The following KDM4B variants were observed in gnomAD, a reference collection of about 807,000 sequenced individuals.
KDM4B encodes the protein lysine-specific demethylase 4B.
A neutral mutation model predicts 125.2 loss-of-function variants in KDM4B; 32 were observed. That is an observed-to-expected ratio of 0.26 (90% confidence interval 0.19 to 0.34). The LOEUF (loss-of-function observed/expected upper bound fraction) is 0.34. Ranked by LOEUF, KDM4B falls within the 10% of genes least tolerant of loss-of-function variation. KDM4B has a pLI of 1.00. For missense variants in KDM4B, 1,190 were observed against 1,577.7 expected, an observed-to-expected ratio of 0.75 and a Z score of 4.16; for synonymous variants, 721 against 677.9, an observed-to-expected ratio of 1.06 and a Z score of -0.99.
chr19:5,039,397 G>A (rs1480634055), intron 3 of KDM4B, among the ~76,000 whole-genome samples: 1 of 152,208 alleles, frequency 6.6e-6, no homozygotes, highest in East Asian at 1.9e-4. Flanking sequence ...GGAGGCTGCA[G>A]TGAGCTATGA....
At chr19:5,138,674 G>T (rs2039691431) in intron 18 of KDM4B, among the ~76,000 whole-genome samples, 1 of 151,984 alleles carries the variant, frequency 6.6e-6, no homozygotes, top group African/African-American at 2.4e-5. Flanking sequence ...ACAAACAATT[G>T]TAACAATGCT....
rs1218003680 is a variant in KDM4B, at chr19:5,144,143, G to A, written c.2727G>A (p.Gly909=). The change falls in exon 19 of 23, where the codon GGG becomes GGA. Residue 909 remains glycine (G), a synonymous_variant. Coordinates refer to ENST00000159111, the MANE Select transcript of KDM4B (RefSeq NM_015015.3). ...VSITCLKHKS[G]GHAVQLLRAV... ...TCACCTGCCTCAAGCACAAGTCGGGGGGTCACGCTGTGAGTGCCTGCCCGC... is the reference window on the plus strand; with the variant it reads ...TCACCTGCCTCAAGCACAAGTCGGGAGGTCACGCTGTGAGTGCCTGCCCGC... 7 of 1,595,806 alleles carry A rather than the reference G, an allele frequency of 4.4e-6. No individual in the cohort carries two copies. The highest frequency in any genetic ancestry group is 2.3e-5 in the East Asian group (1 of 44,332).
chr19:5,047,565 G>A lies in KDM4B; in HGVS notation c.522G>A (p.Thr174=), dbSNP rs1212302428. The change falls in exon 6 of 23, where the codon ACG becomes ACA. Residue 174 remains threonine (T), a synonymous_variant. Transcript: ENST00000159111. ...GCACCATCATCGAGGGCGTGAACAC[G>A]CCCTACCTGTACTTCGGCATGTGGA... ...ECGTIIEGVN[T]PYLYFGMWKT... is the part of the protein sequence containing the mutation. The A allele has an allele frequency of 2.5e-6, 4 of 1,613,960 alleles. No individual in the cohort carries two copies. Among genetic ancestry groups the A allele is most frequent in the South Asian group, 1.1e-5 (1 of 91,088 alleles).
chr19:5,120,724 GT>G (rs201154557), intron 11 of KDM4B, among the ~76,000 whole-genome samples: 2,020 of 152,236 alleles, frequency 0.013, 41 homozygotes, highest in African/African-American at 0.047. Context: ...TTGGGAGTCT[GT>G]GCAAAGTGGC....
intron 2 of KDM4B, among the ~76,000 whole-genome samples, chr19:5,022,246 G>C (rs924634724): frequency 1.3e-5 from 2 of 152,152 alleles, no homozygotes; most frequent in African/African-American, 4.8e-5. Flanking sequence ...GTGTGGCCCT[G>C]GTCCCTCATC....
intron 1 of KDM4B, among the ~76,000 whole-genome samples, chr19:4,980,536 G>A (rs998358618): frequency 4.7e-5 from 7 of 148,296 alleles, no homozygotes; most frequent in Non-Finnish European, 8.9e-5. Context: ...TGATTCTCCT[G>A]CCTCAGCCTC....
chr19:5,064,994 C>T (rs893770911), intron 6 of KDM4B, among the ~76,000 whole-genome samples: 10 of 152,216 alleles, frequency 6.6e-5, no homozygotes, highest in African/African-American at 2.4e-4. Context: ...GATATTGGAC[C>T]CCCACCTCCT....
At chr19:5,104,899 A>G (rs1233244341) in intron 9 of KDM4B, among the ~76,000 whole-genome samples, 3 of 152,240 alleles carry the variant, frequency 2.0e-5, no homozygotes, top group Non-Finnish European at 1.5e-5. Flanking sequence ...TCTCCCATGT[A>G]TGAGTGTCTG....
At chr19:5,137,733 A>G (rs889912947) in intron 17 of KDM4B, 57 bp downstream of exon 17, 11 of 1,475,084 alleles carry the variant, frequency 7.5e-6, no homozygotes, top group Non-Finnish European at 1.0e-5. Flanking sequence ...CCCTGGGCTG[A>G]GGCTCTGCAG....
rs370946912 is a variant in KDM4B, at chr19:5,077,321, G to T, written c.677-46G>T. 1.9e-5 allele frequency: 29 copies of T among 1,553,690 alleles called. No individual in the cohort carries two copies. The South Asian group carries it at 2.2e-4, about 12-fold the overall frequency. Reference sequence around the variant, plus strand: ...AGAGGGCAGCATCCTCGCTGACCCCGGCCGGCTGTGGCCCAGGAGACTGAC... The same window carrying T: ...AGAGGGCAGCATCCTCGCTGACCCCTGCCGGCTGTGGCCCAGGAGACTGAC... On this transcript the variant is annotated intron_variant, in intron 7 of 22. Coordinates refer to ENST00000159111, the MANE Select transcript of KDM4B (RefSeq NM_015015.3).
At position 5,151,464 on chromosome 19, in the gene KDM4B, G is replaced by C. The variant is rs369236395; in HGVS notation, c.3244G>C (p.Val1082Leu). ...GCGGAGCCAGGACTACGTGGCCTTC[G>C]TGGAGAGCCTCCTGCAGGTGCAGGG... ...SGRSQDYVAF[V>L]ESLLQVQGRP... The change falls in exon 23 of 23, where the codon GTG becomes CTG. Residue 1082 changes from valine (V) to leucine (L), a missense_variant. Transcript: ENST00000159111. 960 of 1,520,502 alleles carry C rather than the reference G, an allele frequency of 6.3e-4. 7 individuals carry two copies. Among genetic ancestry groups the C allele is most frequent in the Non-Finnish European group, 7.1e-4 (802 of 1,134,748 alleles). The allele number at this position is 1,520,502 out of a possible 1,614,324, so 94.2% of individuals were successfully genotyped here.
chr19:4,977,301 C>T (rs551411429), intron 1 of KDM4B, among the ~76,000 whole-genome samples: 1 of 152,332 alleles, frequency 6.6e-6, no homozygotes, highest in South Asian at 2.1e-4. Flanking sequence ...AGGCCGACTG[C>T]CCAGTGGCTG....
In KDM4B at chr19:5,068,495, G is replaced by A. The variant is rs74450577; in HGVS notation, c.627-2515G>A. Among the ~76,000 whole-genome samples, 278 of 152,372 alleles carry A rather than the reference G, an allele frequency of 1.8e-3. 1 individual carries two copies. The highest frequency in any genetic ancestry group is 6.3e-3 in the African/African-American group (261 of 41,596). The stretch of plus-strand genomic sequence containing the variant: ...CAGCCCTGTGTGGACGGAGCGTGGC[G>A]CCTCCAGCCTCACTCAGTTCTGTGT... On this transcript the variant is annotated intron_variant, in intron 6 of 22. Transcript: ENST00000159111.
At chr19:4,984,533 A>G (rs1387507695) in intron 1 of KDM4B, among the ~76,000 whole-genome samples, 4 of 151,938 alleles carry the variant, frequency 2.6e-5, no homozygotes, top group Admixed American at 6.6e-5. Flanking sequence ...GGCAGCGTTG[A>G]CCCCAAGACC....
At chr19:5,071,108 G>A (rs2037934083) in intron 7 of KDM4B, 49 bp downstream of exon 7, 1 of 1,581,318 alleles carries the variant, frequency 6.3e-7, no homozygotes, top group Non-Finnish European at 8.6e-7. Context: ...AGGTGGGAGG[G>A]GCCTGTGGGT....
intron 1 of KDM4B, among the ~76,000 whole-genome samples, chr19:4,991,378 C>T (rs2145379419): frequency 6.6e-6 from 1 of 152,118 alleles, no homozygotes; most frequent in African/African-American, 2.4e-5. Flanking sequence ...CTTTGGGAGG[C>T]AGAGGTGGGA....
rs572477021 is a variant in KDM4B, at chr19:5,035,548, C to T, written c.141+2517C>T. Among the ~76,000 whole-genome samples the T allele has an allele frequency of 1.8e-4, 27 of 152,218 alleles. No individual in the cohort carries two copies. Among genetic ancestry groups the T allele is most frequent in the Admixed American group, 8.5e-4 (13 of 15,282 alleles). The stretch of plus-strand genomic sequence containing the variant: ...CTGTCCTCCCCCGCGCTGGCACCTC[C>T]GCTTCGTCCCTCCCTCCCTCTGCCT... On this transcript the variant is annotated intron_variant, in intron 3 of 22. Transcript: ENST00000159111. This position sits in a 1 kb window ranked among gnomAD's most constrained non-coding sequence, Gnocchi z 5.3.
intron 1 of KDM4B, among the ~76,000 whole-genome samples, chr19:4,992,819 C>T (rs1437074557): frequency 6.6e-6 from 1 of 152,132 alleles, no homozygotes; most frequent in Non-Finnish European, 1.5e-5. Flanking sequence ...ATATTTTCTT[C>T]CTGTTCAACC....
chr19:5,058,377 G>A (rs975974480), intron 6 of KDM4B, among the ~76,000 whole-genome samples: 7 of 152,340 alleles, frequency 4.6e-5, no homozygotes, highest in Middle Eastern at 3.4e-3. Context: ...GAGCCCTTGG[G>A]ATGGAGGCAG....
Sources: allele counts gnomAD v4.1 joint callset (sites outside exome capture counted in the v4.1 genomes callset), GRCh38; gene constraint gnomAD v4.1.1; non-coding constraint Gnocchi (gnomAD v3.1); transcripts MANE v1.5; gene names NCBI Gene and HGNC (gene_info 2026-07-23, HGNC 2026-07-21).